Variants in LIMCH1 observed in about 807,000 individuals in gnomAD.
The protein encoded by LIMCH1 is LIM and calponin homology domains 1.
Under a neutral mutation model 176.5 loss-of-function variants are expected in LIMCH1, and 113 were observed. The ratio of observed to expected loss-of-function variants is 0.64; its 90% confidence interval spans 0.55 to 0.75. The LOEUF (loss-of-function observed/expected upper bound fraction) is 0.75, where lower values mean the gene tolerates loss of function less well. LIMCH1 is among the 30% of genes least tolerant of loss of function. The pLI is 0.00. For missense variants in LIMCH1, 1,674 were observed against 1,814.9 expected (o/e 0.92, Z 1.41); for synonymous variants, 619 against 645.9 (o/e 0.96, Z 0.63).
Position 41,681,016 on chromosome 4 carries a change from A to G in LIMCH1, c.3674A>G (p.Gln1225Arg), listed in dbSNP as rs752893240. Residue 1225 changes from glutamine to arginine, a missense_variant, in exon 25 of 32, where the codon CAG becomes CGG. Physicochemically the swap from Gln to Arg is conservative, Grantham distance 43. Around this residue, in one of 3 missense-constraint regions of LIMCH1, gnomAD observed 1,015 missense variants for 1,102.5 expected, o/e 0.92. Coordinates refer to ENST00000503057, the MANE Select transcript of LIMCH1 (RefSeq NM_001330672.2). ...ACTGTTTCTTCAAGTTCCGCTGACC[A>G]GCTGTCTACCTCTTCCTCCATGACT... ...PFTVSSSSAD[Q>R]LSTSSSMTEG... 6.2e-7 allele frequency: 1 copy of G among 1,612,924 alleles called. No homozygotes were observed. Among genetic ancestry groups the G allele is most frequent in the Non-Finnish European group, 8.5e-7 (1 of 1,179,036 alleles).
chr4:41,377,387 A>G (rs1163763144), intron 1 of LIMCH1, among the ~76,000 whole-genome samples: 1 of 152,180 alleles, frequency 6.6e-6, no homozygotes, highest in Non-Finnish European at 1.5e-5. Context: ...TCCACTGCAA[A>G]AACAAGTGAT....
At position 41,360,993 on chromosome 4, in the gene LIMCH1, C is replaced by T; in HGVS notation, c.96+57C>T. On this transcript the variant is annotated intron_variant, in intron 1 of 26. Coordinates refer to the LIMCH1 transcript ENST00000313860. This position sits in a 1 kb window ranked among gnomAD's most constrained non-coding sequence, Gnocchi z 4.5. Reference sequence around the variant, plus strand: ...ACTGGCGCCCTGAGCCACGGACCCGCGCACGCTCCGACCGCAGGTCCAGCC... The same window carrying T: ...ACTGGCGCCCTGAGCCACGGACCCGTGCACGCTCCGACCGCAGGTCCAGCC... 1 of 1,311,746 alleles carries T rather than the reference C, an allele frequency of 7.6e-7. No homozygotes were observed. Among genetic ancestry groups the T allele is most frequent in the Non-Finnish European group, 1.0e-6 (1 of 961,426 alleles). 81.3% of individuals were successfully genotyped at this position (1,311,746 alleles called of 1,614,324 possible). A position where few individuals can be genotyped will look rare whatever the true frequency, so the allele number is the denominator to read the frequency against.
At chr4:41,642,985 T>A (rs2093898123) in intron 14 of LIMCH1, among the ~76,000 whole-genome samples, 2 of 152,242 alleles carry the variant, frequency 1.3e-5, no homozygotes, top group African/African-American at 4.8e-5. Flanking sequence ...AATAGAAACC[T>A]CAGCTAAGAG....
At position 41,627,022 on chromosome 4, in the gene LIMCH1, GT is replaced by G. The variant is rs1435582198; in HGVS notation, c.1028+13del. ...CTAGAATATAAAAGGTGTGCATGGT[GT>G]GTGTGTGTGTGTGTGTGTGTGTGTG... On this transcript the variant is annotated intron_variant, in intron 8 of 31. Transcript: ENST00000503057. The G allele has an allele frequency of 4.2e-4, 503 of 1,199,118 alleles. No homozygotes were observed. The African/African-American group carries it at 8.9e-3, about 21-fold the overall frequency. 74.3% of individuals were successfully genotyped at this position (1,199,118 alleles called of 1,614,324 possible).
At chr4:41,385,285 C>T (rs1195320064) in intron 1 of LIMCH1, among the ~76,000 whole-genome samples, 1 of 152,160 alleles carries the variant, frequency 6.6e-6, no homozygotes, top group Non-Finnish European at 1.5e-5. Flanking sequence ...AACTTCTTTG[C>T]TTAGAAATTA....
At chr4:41,581,700 G>A (rs751460249) in intron 1 of LIMCH1, among the ~76,000 whole-genome samples, 4 of 151,720 alleles carry the variant, frequency 2.6e-5, no homozygotes, top group Non-Finnish European at 5.9e-5. Context: ...CAGCTACTTG[G>A]GAGGTTGAGG....
intron 8 of LIMCH1, 38 bp downstream of exon 8, chr4:41,627,048 G>GTGTGTT: frequency 6.7e-7 from 1 of 1,501,706 alleles, no homozygotes; most frequent in Non-Finnish European, 8.9e-7. Context: ...GTGTGTGTGT[G>GTGTGTT]TGTGTCTATG....
intron 2 of LIMCH1, among the ~76,000 whole-genome samples, chr4:41,521,362 C>T (rs1286845470): frequency 6.6e-6 from 1 of 152,060 alleles, no homozygotes; most frequent in Non-Finnish European, 1.5e-5. Flanking sequence ...CTCTACAGGG[C>T]AGGACTTTTG....
chr4:41,490,493 G>T (rs1470377909), intron 1 of LIMCH1, among the ~76,000 whole-genome samples: 4 of 152,052 alleles, frequency 2.6e-5, no homozygotes, highest in African/African-American at 9.7e-5. Context: ...TAAGGAGCAT[G>T]CTGTCTTCAA....
intron 1 of LIMCH1, among the ~76,000 whole-genome samples, chr4:41,584,791 A>G (rs1489036774): frequency 2.0e-5 from 3 of 152,166 alleles, no homozygotes; most frequent in Admixed American, 2.0e-4. Flanking sequence ...TGTCATCTCT[A>G]TCCATTTGTC....
chr4:41,364,207 C>T (rs951321522), intron 1 of LIMCH1, among the ~76,000 whole-genome samples: 1 of 152,146 alleles, frequency 6.6e-6, no homozygotes, highest in African/African-American at 2.4e-5. Context: ...GGAGTGCTGT[C>T]AGGATTAAAT....
At chr4:41,669,839 A>G (rs868332430) in intron 21 of LIMCH1, among the ~76,000 whole-genome samples, 22 of 152,324 alleles carry the variant, frequency 1.4e-4, no homozygotes, top group South Asian at 6.2e-4. Flanking sequence ...ATCAAGTCCA[A>G]TGAAACTCTA....
intron 1 of LIMCH1, among the ~76,000 whole-genome samples, chr4:41,581,344 G>GT (rs1244532862): frequency 2.0e-5 from 3 of 152,100 alleles, no homozygotes; most frequent in Non-Finnish European, 2.9e-5. Context: ...CAAATTTCAA[G>GT]TATACAATAC....
chr4:41,434,222 G>A (rs1053179656), intron 1 of LIMCH1, among the ~76,000 whole-genome samples: 4 of 152,186 alleles, frequency 2.6e-5, no homozygotes, highest in Non-Finnish European at 1.5e-5. Flanking sequence ...TAGGAACTGG[G>A]TGGAGAATGG....
Position 41,635,270 on chromosome 4 carries a change from G to A in LIMCH1, c.2090+1462G>A, listed in dbSNP as rs144684728. Reference sequence around the variant, plus strand: ...TTTTTTTGAGATGGAGTCTTGCTTTGTTGCCCAGACTGGAGTGCAGGGCCC... The same window carrying A: ...TTTTTTTGAGATGGAGTCTTGCTTTATTGCCCAGACTGGAGTGCAGGGCCC... On this transcript the variant is annotated intron_variant, in intron 13 of 31. Transcript: ENST00000503057. 9.0e-3 allele frequency among the ~76,000 whole-genome samples: 1,320 copies of A among 146,858 alleles called. 73 individuals carry two copies. Among genetic ancestry groups the A allele is most frequent in the Admixed American group, 0.078 (1,141 of 14,698 alleles).
At chr4:41,488,563 A>G (rs2070151011) in intron 1 of LIMCH1, among the ~76,000 whole-genome samples, 1 of 152,224 alleles carries the variant, frequency 6.6e-6, no homozygotes, top group African/African-American at 2.4e-5. Context: ...GTTAATGAGC[A>G]TGTTTTATGA....
At chr4:41,462,321 A>G (rs2065491093) in intron 1 of LIMCH1, among the ~76,000 whole-genome samples, 1 of 152,234 alleles carries the variant, frequency 6.6e-6, no homozygotes, top group African/African-American at 2.4e-5. Context: ...ATTAGATTCC[A>G]TCTCTCTGGG....
chr4:41,517,313 G>A lies in LIMCH1; in HGVS notation c.168-7096G>A, dbSNP rs139352054. On this transcript the variant is annotated intron_variant, in intron 2 of 26. Coordinates refer to the LIMCH1 transcript ENST00000313860. ...ATAGCCACAGCAAATTGCAAAGGAG[G>A]CTGGGCAATAAAGTCCAGTGTGTGC... Among the ~76,000 whole-genome samples the A allele has an allele frequency of 3.9e-5, 6 of 152,264 alleles. No individual in the cohort carries two copies. The East Asian group carries it at 1.2e-3, about 29-fold the overall frequency.
rs1393995561 is a variant in LIMCH1 at position 41,642,168 on chromosome 4, C to G, written c.2127-2332C>G. Reference sequence around the variant, plus strand: ...ATGGCAGAGTTGAATGAAGGGACCTCTTTTCTCTCCCATAATCTACAAACT... The same window carrying G: ...ATGGCAGAGTTGAATGAAGGGACCTGTTTTCTCTCCCATAATCTACAAACT... On this transcript the variant is annotated intron_variant, in intron 14 of 31. Transcript: ENST00000503057. Among the ~76,000 whole-genome samples the G allele has an allele frequency of 2.6e-5, 4 of 152,210 alleles. No individual in the cohort carries two copies. The East Asian group carries it at 5.8e-4, about 22-fold the overall frequency.
Sources: gnomAD v4.1 joint callset for allele counts (sites outside exome capture counted in the v4.1 genomes callset) on GRCh38, gnomAD v4.1.1 for gene constraint, gnomAD v4.1.1 regional missense constraint, Gnocchi (gnomAD v3.1) non-coding constraint, MANE v1.5 for transcripts, NCBI Gene and HGNC (gene_info 2026-07-23, HGNC 2026-07-21) for gene names.